The following MYO16 variants were observed in gnomAD, a reference collection of about 807,000 sequenced individuals.
MYO16 encodes the protein myosin XVI.
MYO16 carries 94 observed loss-of-function variants against 205.3 expected under a neutral mutation model. The observed-to-expected ratio is 0.46, with a 90% CI of 0.39 to 0.54. MYO16 has a LOEUF of 0.54. Among genes scored for constraint, MYO16 ranks in the 20% least tolerant of loss-of-function variants. MYO16 has a pLI of 0.00. For synonymous variants in MYO16, 988 were observed against 954.0 expected (o/e 1.04, Z -0.66); for missense variants, 2,315 against 2,387.5 (o/e 0.97, Z 0.63).
intron 4 of MYO16, among the ~76,000 whole-genome samples, chr13:108,764,213 A>G (rs1594275641): frequency 6.6e-6 from 1 of 152,206 alleles, no homozygotes; most frequent in East Asian, 1.9e-4. Flanking sequence ...GTGAAACATT[A>G]TAATAGGAAA....
intron 27 of MYO16, among the ~76,000 whole-genome samples, chr13:109,070,998 T>G (rs1276725305): frequency 6.6e-6 from 1 of 152,164 alleles, no homozygotes; most frequent in African/African-American, 2.4e-5. Context: ...TACATCATTG[T>G]GAGACCCTAG....
chr13:108,825,082 A>G (rs1219669345), intron 9 of MYO16, among the ~76,000 whole-genome samples: 1 of 152,128 alleles, frequency 6.6e-6, no homozygotes, highest in African/African-American at 2.4e-5. Flanking sequence ...GGATACAAAA[A>G]TCAGATAAAA....
intron 7 of MYO16, among the ~76,000 whole-genome samples, chr13:108,818,965 C>T (rs1227143646): frequency 6.6e-6 from 1 of 152,142 alleles, no homozygotes; most frequent in Non-Finnish European, 1.5e-5. Context: ...GGTAATAAAG[C>T]TATTAAGTAG....
chr13:108,680,977 T>G (rs1882437584), intron 2 of MYO16, among the ~76,000 whole-genome samples: 1 of 152,256 alleles, frequency 6.6e-6, no homozygotes, highest in Non-Finnish European at 1.5e-5. Context: ...TCAAATGTCC[T>G]TCTCATGGTC....
chr13:108,820,849 G>A, intron 8 of MYO16, among the ~76,000 whole-genome samples: 1 of 152,022 alleles, frequency 6.6e-6, no homozygotes, highest in East Asian at 1.9e-4. Context: ...AAATACAGAG[G>A]CTGACATTCT....
chr13:108,555,680 A>T, the MYO16 span, among the ~76,000 whole-genome samples: 1 of 152,170 alleles, frequency 6.6e-6, no homozygotes, highest in African/African-American at 2.4e-5. Flanking sequence ...TGTGTAATAG[A>T]TCTGTTGAAC....
At chr13:108,637,975 G>A (rs561367885) in intron 1 of MYO16, among the ~76,000 whole-genome samples, 1 of 152,156 alleles carries the variant, frequency 6.6e-6, no homozygotes, top group Non-Finnish European at 1.5e-5. Context: ...GACAGAGTAA[G>A]TAAGTAAAGA....
chr13:108,757,987 T>C (rs1885477990), intron 4 of MYO16, among the ~76,000 whole-genome samples: 1 of 152,122 alleles, frequency 6.6e-6, no homozygotes, highest in South Asian at 2.1e-4. Context: ...TAGGAGAGCC[T>C]CTTGGGAGGT....
upstream of MYO16, among the ~76,000 whole-genome samples, chr13:108,595,360 C>T (rs1878517585): frequency 6.6e-6 from 1 of 152,104 alleles, no homozygotes; most frequent in Non-Finnish European, 1.5e-5. Flanking sequence ...ATCTCCCCAC[C>T]CCACATGGCT....
intron 27 of MYO16, among the ~76,000 whole-genome samples, chr13:109,096,459 G>A (rs561877662): frequency 6.5e-4 from 99 of 152,226 alleles, no homozygotes; most frequent in Non-Finnish European, 1.1e-3. Context: ...TTGGCGGGGG[G>A]ACACAGTTCA....
upstream of MYO16, among the ~76,000 whole-genome samples, chr13:108,628,582 C>T (rs1029596661): frequency 1.6e-4 from 25 of 152,072 alleles, no homozygotes; most frequent in African/African-American, 6.0e-4. Context: ...CTGTTCTGTG[C>T]GAAATCTTCA....
rs1473701835 is a variant in MYO16 at position 109,055,254 on chromosome 13, C to T, written c.3129+128C>T. Reference sequence around the variant, plus strand: ...CACAAAAAAAGTAAACATACACACACACACACACACACACACACACAGAGT... The same window carrying T: ...CACAAAAAAAGTAAACATACACACATACACACACACACACACACACAGAGT... On this transcript the variant is annotated intron_variant, in intron 26 of 34. Coordinates refer to ENST00000457511, the MANE Select transcript of MYO16 (RefSeq NM_001198950.3). This position sits in a 1 kb window ranked among gnomAD's most constrained non-coding sequence, Gnocchi z 5.0. 5 of 808,490 alleles carry T rather than the reference C, an allele frequency of 6.2e-6. No individual in the cohort carries two copies. The highest frequency in any genetic ancestry group is 9.6e-6 in the Non-Finnish European group (5 of 519,782). 50.1% of individuals were successfully genotyped at this position (808,490 alleles called of 1,614,324 possible).
intron 21 of MYO16, among the ~76,000 whole-genome samples, chr13:108,996,188 A>G (rs112634673): frequency 6.0e-4 from 91 of 152,356 alleles, no homozygotes; most frequent in African/African-American, 1.9e-3. Flanking sequence ...TAATAAGTAC[A>G]ATACTAGTGT....
Position 109,018,530 on chromosome 13 carries a change from A to T in MYO16, c.2596-1181A>T, listed in dbSNP as rs536902465. Among the ~76,000 whole-genome samples, 6 of 152,290 alleles carry T rather than the reference A, an allele frequency of 3.9e-5. No homozygotes were observed. The South Asian group carries it at 1.2e-3, about 32-fold the overall frequency. On this transcript the variant is annotated intron_variant, in intron 22 of 34. Transcript: ENST00000457511. ...CCACTGCTCTCTTCAGAGCTGTCAG[A>T]CAGGGACGTTTAAGTCTGCAGAAGT...
chr13:109,144,548 A>C (rs115989843), intron 32 of MYO16, among the ~76,000 whole-genome samples: 2 of 152,192 alleles, frequency 1.3e-5, no homozygotes, highest in Admixed American at 6.5e-5. Flanking sequence ...AATGAATTCA[A>C]TGACTTTTAT....
At chr13:108,918,285 G>A (rs1434635224) in intron 16 of MYO16, among the ~76,000 whole-genome samples, 1 of 152,198 alleles carries the variant, frequency 6.6e-6, no homozygotes, top group East Asian at 1.9e-4. Flanking sequence ...TTAAGATGGT[G>A]TATTCACATA....
At chr13:108,623,906 T>G (rs1594151777) in intron 1 of MYO16, among the ~76,000 whole-genome samples, 1 of 152,052 alleles carries the variant, frequency 6.6e-6, no homozygotes, top group Non-Finnish European at 1.5e-5. Context: ...AAAAAATGAA[T>G]ATAAGCTTTA....
At chr13:108,738,015 T>G (rs745481833) in intron 4 of MYO16, among the ~76,000 whole-genome samples, 39 of 152,330 alleles carry the variant, frequency 2.6e-4, no homozygotes, top group South Asian at 8.3e-4. Context: ...GTCTATTTGA[T>G]TCTTCTCTCT....
Position 109,141,284 on chromosome 13 carries a change from G to C in MYO16, c.5072G>C (p.Ser1691Thr), listed in dbSNP as rs1270709874. 3 of 1,598,740 alleles carry C rather than the reference G, an allele frequency of 1.9e-6. No homozygotes were observed. The Admixed American group carries it at 5.1e-5, about 27-fold the overall frequency. Residue 1691 changes from serine (S) to threonine (T), a missense_variant, in exon 32 of 35, where the codon AGC becomes ACC. Coordinates refer to ENST00000457511, the MANE Select transcript of MYO16 (RefSeq NM_001198950.3). This position sits in a 1 kb window ranked among gnomAD's most constrained non-coding sequence, Gnocchi z 4.1. ...PYSPPSSRPLSSPLDELASLF... is the reference protein window; with the variant it reads ...PYSPPSSRPLTSPLDELASLF... ...AGCCCTCCCAGCTCCAGGCCTCTCA[G>C]CAGCCCCCTGGACGAGCTCGCCAGC...
Sources: gnomAD v4.1 joint callset for allele counts (sites outside exome capture counted in the v4.1 genomes callset) on GRCh38, gnomAD v4.1.1 for gene constraint, Gnocchi (gnomAD v3.1) non-coding constraint, MANE v1.5 for transcripts, NCBI Gene and HGNC (gene_info 2026-07-23, HGNC 2026-07-21) for gene names.